LRFN5: variants seen among roughly 807,000 people sequenced by gnomAD.
The protein encoded by LRFN5 is leucine rich repeat and fibronectin type III domain containing 5, also known as leucine-rich repeat and fibronectin type-III domain-containing protein 5.
A neutral mutation model predicts 45.6 loss-of-function variants in LRFN5; 24 were observed. The ratio of observed to expected loss-of-function variants is 0.53; its 90% confidence interval spans 0.38 to 0.74. LRFN5 has a LOEUF of 0.74. Ranked by LOEUF, LRFN5 falls within the 30% of genes least tolerant of loss-of-function variation. The probability of loss-of-function intolerance (pLI) is 0.00; values close to 1 mark genes in which losing one functional copy is unlikely to be tolerated. For missense variants in LRFN5, 776 were observed against 861.5 expected, an observed-to-expected ratio of 0.90 and a Z score of 1.24; for synonymous variants, 340 against 313.8, an observed-to-expected ratio of 1.08 and a Z score of -0.88.
At chr14:41,789,873 T>C (rs960831854) in intron 2 of LRFN5, among the ~76,000 whole-genome samples, 1 of 150,766 alleles carries the variant, frequency 6.6e-6, no homozygotes. Flanking sequence ...TCGTAATATT[T>C]TCATAAACAA....
At chr14:41,830,513 A>G (rs1473344900) in intron 2 of LRFN5, among the ~76,000 whole-genome samples, 1 of 152,180 alleles carries the variant, frequency 6.6e-6, no homozygotes, top group Non-Finnish European at 1.5e-5. Context: ...TCATATTTTC[A>G]TAAATACACC....
At chr14:41,832,556 A>C (rs1185406526) in intron 2 of LRFN5, among the ~76,000 whole-genome samples, 1 of 152,186 alleles carries the variant, frequency 6.6e-6, no homozygotes, top group Non-Finnish European at 1.5e-5. Context: ...TTTTCACTAG[A>C]GGGTCATTAG....
chr14:41,729,834 A>C (rs1884093161), intron 1 of LRFN5, among the ~76,000 whole-genome samples: 1 of 152,014 alleles, frequency 6.6e-6, no homozygotes, highest in African/African-American at 2.4e-5. Flanking sequence ...TCAAATATTT[A>C]GCAATGGTTT....
chr14:41,868,487 T>C (rs1034220976), intron 2 of LRFN5, among the ~76,000 whole-genome samples: 10 of 152,110 alleles, frequency 6.6e-5, no homozygotes, highest in African/African-American at 2.4e-4. Flanking sequence ...CATTTACTTA[T>C]CTAAAAAATC....
chr14:41,782,218 A>T (rs1566437987), intron 2 of LRFN5, among the ~76,000 whole-genome samples: 1 of 150,822 alleles, frequency 6.6e-6, no homozygotes. Flanking sequence ...TCTTTTTATT[A>T]TTTTTTTTAA....
At chr14:41,860,430 T>C (rs1889620650) in intron 2 of LRFN5, among the ~76,000 whole-genome samples, 1 of 152,164 alleles carries the variant, frequency 6.6e-6, no homozygotes, top group Non-Finnish European at 1.5e-5. Context: ...CAAAAATAAA[T>C]ATAACCAAAT....
At chr14:41,873,879 A>T (rs907325120) in intron 2 of LRFN5, among the ~76,000 whole-genome samples, 3 of 152,166 alleles carry the variant, frequency 2.0e-5, no homozygotes, top group African/African-American at 7.2e-5. Context: ...CAGTTACAAG[A>T]AATGTTAAAT....
At chr14:41,894,221 T>A (rs899255686) in intron 4 of LRFN5, 1 of 984,926 alleles carries the variant, frequency 1.0e-6, no homozygotes, top group African/African-American at 1.7e-5. Context: ...TTAGCAAGGT[T>A]AACATATGTA....
chr14:41,615,651 G>A (rs1887903221), intron 1 of LRFN5, among the ~76,000 whole-genome samples: 1 of 152,076 alleles, frequency 6.6e-6, no homozygotes, highest in Admixed American at 6.5e-5. Context: ...TGCTTTTGGA[G>A]CAGAGAAAGC....
rs1436896951 is a variant in LRFN5 at position 41,886,974 on chromosome 14, G to T, written c.349G>T (p.Asp117Tyr). The T allele has an allele frequency of 6.2e-7, 1 of 1,614,156 alleles. No individual in the cohort carries two copies. The highest frequency in any genetic ancestry group is 1.7e-5 in the Admixed American group (1 of 60,018). The change falls in exon 3 of 6, where the codon GAT becomes TAT. Residue 117 changes from aspartate to tyrosine, a missense_variant. Asp to Tyr is a radical substitution (Grantham distance 160). Coordinates refer to ENST00000298119, the MANE Select transcript of LRFN5 (RefSeq NM_152447.5). ...NSNRLTKITN[D>Y]MFSGLSNLHH... Reference sequence around the variant, plus strand: ...CAACAGATTGACTAAAATTACAAATGATATGTTCAGTGGTCTTTCCAATCT... The same window carrying T: ...CAACAGATTGACTAAAATTACAAATTATATGTTCAGTGGTCTTTCCAATCT...
chr14:41,643,726 C>T (rs912896633), intron 1 of LRFN5, among the ~76,000 whole-genome samples: 1 of 152,108 alleles, frequency 6.6e-6, no homozygotes, highest in Admixed American at 6.6e-5. Context: ...CACACACACA[C>T]ACACACTGAC....
intron 1 of LRFN5, among the ~76,000 whole-genome samples, chr14:41,725,275 G>A (rs1257827248): frequency 6.6e-6 from 1 of 152,170 alleles, no homozygotes; most frequent in Non-Finnish European, 1.5e-5. Context: ...GGATAAGAAC[G>A]TGGGGCTAGC....
intron 2 of LRFN5, among the ~76,000 whole-genome samples, chr14:41,786,010 C>A (rs1408290496): frequency 6.7e-6 from 1 of 149,972 alleles, no homozygotes; most frequent in Non-Finnish European, 1.5e-5. Flanking sequence ...GGCATTGTTC[C>A]CTGCCCTGGG....
chr14:41,659,359 T>C (rs1285472770), intron 1 of LRFN5, among the ~76,000 whole-genome samples: 2 of 152,114 alleles, frequency 1.3e-5, no homozygotes, highest in Non-Finnish European at 2.9e-5. Flanking sequence ...GCTTCATCCC[T>C]GTCCCTGCAA....
At chr14:41,672,160 A>C (rs949078089) in intron 1 of LRFN5, among the ~76,000 whole-genome samples, 2 of 152,130 alleles carry the variant, frequency 1.3e-5, no homozygotes, top group African/African-American at 4.8e-5. Flanking sequence ...TTCTTACCTC[A>C]CTAGACGTTA....
At chr14:41,814,171 C>T (rs1235067722) in intron 2 of LRFN5, among the ~76,000 whole-genome samples, 1 of 152,090 alleles carries the variant, frequency 6.6e-6, no homozygotes, top group Non-Finnish European at 1.5e-5. Context: ...TTCTTTAGAT[C>T]CCATTTGTCA....
chr14:41,631,978 C>G (rs1888550883), intron 1 of LRFN5, among the ~76,000 whole-genome samples: 1 of 152,076 alleles, frequency 6.6e-6, no homozygotes, highest in African/African-American at 2.4e-5. Context: ...TAAAGGATTG[C>G]TCTGGCTGCT....
chr14:41,622,953 C>T (rs371643402), intron 1 of LRFN5, among the ~76,000 whole-genome samples: 4 of 152,004 alleles, frequency 2.6e-5, no homozygotes, highest in South Asian at 2.1e-4. Context: ...GAGACAAAAA[C>T]GAACTCAATT....
At chr14:41,690,601 T>TAA (rs956742470) in intron 1 of LRFN5, among the ~76,000 whole-genome samples, 7 of 152,112 alleles carry the variant, frequency 4.6e-5, no homozygotes, top group Admixed American at 1.3e-4. Flanking sequence ...CCTTTAAGGA[T>TAA]AAAGACCTTC....
Sources: gnomAD v4.1 joint callset for allele counts (sites outside exome capture counted in the v4.1 genomes callset) on GRCh38, gnomAD v4.1.1 for gene constraint, MANE v1.5 for transcripts, NCBI Gene and HGNC (gene_info 2026-07-23, HGNC 2026-07-21) for gene names.